Variants in SYNE2 observed in about 807,000 individuals in gnomAD.
SYNE2 encodes nesprin-2.
In SYNE2, 431 loss-of-function variants were observed where a neutral mutation model predicts 856.3. The observed-to-expected ratio is 0.50, with a 90% CI of 0.47 to 0.55. The LOEUF (loss-of-function observed/expected upper bound fraction) is 0.55. Ranked by LOEUF, SYNE2 falls within the 20% of genes least tolerant of loss-of-function variation. The probability of loss-of-function intolerance (pLI) is 0.00; values close to 1 mark genes in which losing one functional copy is unlikely to be tolerated. For missense variants in SYNE2, 8,129 were observed against 8,023.2 expected, an observed-to-expected ratio of 1.01 and a Z score of -0.50; for synonymous variants, 2,923 against 2,872.3, an observed-to-expected ratio of 1.02 and a Z score of -0.56.
intron 2 of SYNE2, among the ~76,000 whole-genome samples, chr14:63,915,684 A>G (rs1190400383): frequency 6.6e-6 from 1 of 152,132 alleles, no homozygotes; most frequent in East Asian, 1.9e-4. Context: ...CATATGTTTT[A>G]TTTAATGCTG....
chr14:64,215,637 ATCTAACT>A (rs1250111978), intron 107 of SYNE2: 34 of 538,236 alleles, frequency 6.3e-5, no homozygotes, highest in African/African-American at 6.1e-4. Flanking sequence ...TTTTTTCTCC[ATCTAACT>A]GAAGTCCTTT....
intron 51 of SYNE2, among the ~76,000 whole-genome samples, chr14:64,066,925 C>G (rs2097362751): frequency 6.6e-6 from 1 of 152,222 alleles, no homozygotes; most frequent in Non-Finnish European, 1.5e-5. Context: ...GGGGCTGGGG[C>G]TGTCCTGCTC....
intron 108 of SYNE2, chr14:64,218,119 T>G (rs1221155748): frequency 4.9e-6 from 2 of 405,516 alleles, no homozygotes; most frequent in African/African-American, 2.1e-5. Context: ...GAGGGGTGTT[T>G]GGAAGCATGC....
chr14:63,884,015 G>C (rs549885126), intron 1 of SYNE2, among the ~76,000 whole-genome samples: 1 of 152,172 alleles, frequency 6.6e-6, no homozygotes, highest in Admixed American at 6.5e-5. Flanking sequence ...GCTGAGAAGC[G>C]GGCCCTTGGT....
intron 103 of SYNE2, 60 bp from the exon 104 acceptor site, chr14:64,211,901 G>C (rs952398626): frequency 5.6e-6 from 9 of 1,612,680 alleles, no homozygotes; most frequent in East Asian, 4.5e-5. Flanking sequence ...TGGCCTTGCT[G>C]TCTGTCTGAA....
chr14:64,211,332 G>T (rs908284833), intron 103 of SYNE2, among the ~76,000 whole-genome samples: 1 of 152,190 alleles, frequency 6.6e-6, no homozygotes, highest in Non-Finnish European at 1.5e-5. Context: ...CCTTCGTTTG[G>T]CACTGAAGCT....
At chr14:64,194,935 C>A (rs991014414) in intron 99 of SYNE2, among the ~76,000 whole-genome samples, 2 of 152,180 alleles carry the variant, frequency 1.3e-5, no homozygotes, top group Admixed American at 1.3e-4. Flanking sequence ...TAGTTGAACT[C>A]CTTAAAAATT....
chr14:63,767,143 G>A lies in SYNE2; in HGVS notation c.-305+5157G>A, dbSNP rs575326051. Among the ~76,000 whole-genome samples, 842 of 143,758 alleles carry A rather than the reference G, an allele frequency of 5.9e-3. 1 individual carries two copies. The highest frequency in any genetic ancestry group is 9.9e-3 in the Admixed American group (138 of 13,890). The allele number at this position is 143,758 out of a possible 152,430, so 94.3% of individuals were successfully genotyped here. A position where few individuals can be genotyped will look rare whatever the true frequency, so the allele number is the denominator to read the frequency against. On this transcript the variant is annotated intron_variant, in intron 1 of 23. Coordinates refer to the SYNE2 transcript ENST00000674003. Reference sequence around the variant, plus strand: ...TTTTTTTGAGATGGAGTCTGGCTCTGTCGCCCAGGCTGGAGTGCAGTGGCG... The same window carrying A: ...TTTTTTTGAGATGGAGTCTGGCTCTATCGCCCAGGCTGGAGTGCAGTGGCG...
At chr14:63,779,586 T>C (rs1887236112) in intron 1 of SYNE2, among the ~76,000 whole-genome samples, 1 of 152,060 alleles carries the variant, frequency 6.6e-6, no homozygotes. Context: ...CTCAACATTG[T>C]ATTAGAAATC....
At chr14:64,145,731 G>T (rs550243778) in intron 83 of SYNE2, among the ~76,000 whole-genome samples, 24 of 152,190 alleles carry the variant, frequency 1.6e-4, no homozygotes, top group African/African-American at 5.8e-4. Context: ...TCTGAGGAAA[G>T]AAATTTTTCT....
chr14:64,220,671 G>C (rs764039095), intron 111 of SYNE2, 34 bp downstream of exon 111: 4 of 1,610,152 alleles, frequency 2.5e-6, no homozygotes, highest in Non-Finnish European at 3.4e-6. Context: ...TCCCAGAGCC[G>C]GTACCCAGGC....
At chr14:63,855,521 C>T (rs183374212) in intron 1 of SYNE2, among the ~76,000 whole-genome samples, 12 of 152,226 alleles carry the variant, frequency 7.9e-5, no homozygotes, top group South Asian at 2.1e-4. Context: ...ACTTGTTGTG[C>T]GCTGCCTGGA....
chr14:63,896,530 G>A (rs1186964941), intron 1 of SYNE2, among the ~76,000 whole-genome samples: 2 of 152,140 alleles, frequency 1.3e-5, no homozygotes, highest in Non-Finnish European at 2.9e-5. Context: ...AATGCGTGGC[G>A]GAGAACTTTG....
intron 1 of SYNE2, among the ~76,000 whole-genome samples, chr14:63,820,649 A>T (rs1255988395): frequency 6.6e-6 from 1 of 152,222 alleles, no homozygotes; most frequent in Non-Finnish European, 1.5e-5. Context: ...CATATCTGAT[A>T]AAGCACTTAT....
Position 64,098,350 on chromosome 14 carries a change from T to G in SYNE2, c.12306+204T>G. 9 of 649,822 alleles carry G rather than the reference T, an allele frequency of 1.4e-5. No individual in the cohort carries two copies. The Admixed American group carries it at 2.2e-4, about 16-fold the overall frequency. The allele number at this position is 649,822 out of a possible 1,614,324, so 40.3% of individuals were successfully genotyped here. A position where few individuals can be genotyped will look rare whatever the true frequency, so the allele number is the denominator to read the frequency against. On this transcript the variant is annotated intron_variant, in intron 62 of 115. Transcript: ENST00000555002. ...CTGTTCTGGACTCCACCCAGAATTC[T>G]TAACACCTGAATTACTTTAGGACAT...
rs79847857 is a variant in SYNE2 at position 64,085,667 on chromosome 14, A to G, written c.11485-2004A>G. ...CAGTTCTAATTGCTTCATGTTTTCA[A>G]CAGCGCTTAATATTGTCTGCCTTTT... On this transcript the variant is annotated intron_variant, in intron 57 of 115. Transcript: ENST00000555002. Among the ~76,000 whole-genome samples the G allele has an allele frequency of 5.4e-3, 828 of 152,292 alleles. 10 individuals carry two copies. The highest frequency in any genetic ancestry group is 0.019 in the African/African-American group (807 of 41,564).
In SYNE2 at chr14:64,076,233, G is replaced by A. The variant is rs143125934; in HGVS notation, c.11022+133G>A. The A allele has an allele frequency of 2.8e-4, 256 of 925,346 alleles. No individual in the cohort carries two copies. The East Asian group carries it at 4.8e-3, about 17-fold the overall frequency. 57.3% of individuals were successfully genotyped at this position (925,346 alleles called of 1,614,324 possible). Reference sequence around the variant, plus strand: ...TTCTTTTAAGAGTTAAGTGACCATCGTGTCTATTGAATGCTAAGATAAAGA... The same window carrying A: ...TTCTTTTAAGAGTTAAGTGACCATCATGTCTATTGAATGCTAAGATAAAGA... On this transcript the variant is annotated intron_variant, in intron 54 of 115. Coordinates refer to ENST00000555002, the MANE Select transcript of SYNE2 (RefSeq NM_182914.3).
intron 10 of SYNE2, 128 bp from the exon 11 acceptor site, chr14:63,967,581 A>C (rs1361205362): frequency 1.0e-5 from 9 of 894,160 alleles, no homozygotes; most frequent in African/African-American, 3.4e-5. Context: ...AGGATACTGG[A>C]TTCAGGGGAT....
chr14:63,855,161 A>G (rs1891400670), intron 1 of SYNE2, among the ~76,000 whole-genome samples: 1 of 152,140 alleles, frequency 6.6e-6, no homozygotes, highest in Admixed American at 6.5e-5. Flanking sequence ...GTATTTATTG[A>G]GTACCTACAA....
Sources: gnomAD v4.1 joint callset for allele counts (sites outside exome capture counted in the v4.1 genomes callset) on GRCh38, gnomAD v4.1.1 for gene constraint, MANE v1.5 for transcripts, NCBI Gene and HGNC (gene_info 2026-07-23, HGNC 2026-07-21) for gene names.